The following HTR1B variants were observed in gnomAD, a reference collection of about 807,000 sequenced individuals.
HTR1B encodes the protein 5-hydroxytryptamine receptor 1B.
HTR1B carries 12 observed loss-of-function variants against 25.3 expected under a neutral mutation model. The ratio of observed to expected loss-of-function variants is 0.47; its 90% CI spans 0.30 to 0.77. The LOEUF is 0.77. Among genes scored for constraint, HTR1B ranks in the 30% least tolerant of loss-of-function variants. The pLI, the probability that HTR1B is intolerant of heterozygous loss-of-function variation, is 0.06. For missense variants in HTR1B, 453 were observed against 503.0 expected, an observed-to-expected ratio of 0.90 and a Z score of 0.95; for synonymous variants, 224 against 219.1, an observed-to-expected ratio of 1.02 and a Z score of -0.20.
In HTR1B at chr6:77,461,865, T is replaced by C; in HGVS notation, c.*366A>G. 1 of 219,702 alleles carries C rather than the reference T, an allele frequency of 4.6e-6. No homozygotes were observed. Among genetic ancestry groups the C allele is most frequent in the East Asian group, 1.1e-4 (1 of 9,074 alleles). The allele number at this position is 219,702 out of a possible 1,614,324, so 13.6% of individuals were successfully genotyped here. ...ACAGGCTTCAGACAACAATTACAAG[T>C]ACACTGCTTCTAGTGGGCATTATCC... On this transcript the variant is annotated 3_prime_UTR_variant, in exon 1 of 1. Coordinates refer to ENST00000369947, the MANE Select transcript of HTR1B (RefSeq NM_000863.3).
In HTR1B at chr6:77,461,144, C is replaced by G. The variant is rs1008836173; in HGVS notation, c.*1087G>C. The stretch of plus-strand genomic sequence containing the variant: ...AATATACATCCTCCTATTGCCCCCA[C>G]CCCATTCCTCAATTGTGTAAGAACT... On this transcript the variant is annotated 3_prime_UTR_variant, in exon 1 of 1. Coordinates refer to ENST00000369947, the MANE Select transcript of HTR1B (RefSeq NM_000863.3). Among the ~76,000 whole-genome samples, 5 of 152,150 alleles carry G rather than the reference C, an allele frequency of 3.3e-5. No individual in the cohort carries two copies. The highest frequency in any genetic ancestry group is 1.2e-4 in the African/African-American group (5 of 41,440).
rs1411632288 is a variant in HTR1B at position 77,461,152 on chromosome 6, C to T, written c.*1079G>A. On this transcript the variant is annotated 3_prime_UTR_variant, in exon 1 of 1. Coordinates refer to ENST00000369947, the MANE Select transcript of HTR1B (RefSeq NM_000863.3). ...TCCTCCTATTGCCCCCACCCCATTC[C>T]TCAATTGTGTAAGAACTATCCCCAT... Among the ~76,000 whole-genome samples the T allele has an allele frequency of 5.9e-5, 9 of 152,108 alleles. No individual in the cohort carries two copies. The East Asian group carries it at 1.7e-3, about 29-fold the overall frequency.
chr6:77,462,619 C>G lies in HTR1B; in HGVS notation c.785G>C (p.Gly262Ala). ...TRAQLITDSP[G>A]STSSVTSINS... ...AATAGAGGTGACCGAGGACGTGGAC[C>G]CGGGGGAGTCGGTTATCAGCTGGGC... The change falls in exon 1 of 1, where the codon GGG (glycine) becomes GCG (alanine). Residue 262 changes from glycine (G) to alanine (A), a missense_variant. Physicochemically the swap from Gly to Ala is moderately conservative, Grantham distance 60. Around this residue, in one of 3 missense-constraint regions of HTR1B, gnomAD observed 289 missense variants for 319.6 expected, o/e 0.90. Coordinates refer to ENST00000369947, the MANE Select transcript of HTR1B (RefSeq NM_000863.3). This position sits in a 1 kb window ranked among gnomAD's most constrained non-coding sequence, Gnocchi z 4.9. 2 of 1,612,920 alleles carry G rather than the reference C, an allele frequency of 1.2e-6. No homozygotes were observed. Among genetic ancestry groups the G allele is most frequent in the Non-Finnish European group, 1.7e-6 (2 of 1,180,006 alleles).
chr6:77,462,739 A>G lies in HTR1B; in HGVS notation c.665T>C (p.Leu222Pro). ...GCGGCCATAGAGGGCGATGAGGAGC[A>G]GGGTGGGGAAGTAGAAAGCACCCAC... ...STVGAFYFPT[L>P]LLIALYGRIY... is the part of the protein sequence containing the mutation. Residue 222 changes from leucine to proline, a missense_variant, in exon 1 of 1, where the codon CTG becomes CCG. Physicochemically the swap from Leu to Pro is moderately conservative, Grantham distance 98 (BLOSUM62 -3). Transcript: ENST00000369947. This position sits in a 1 kb window ranked among gnomAD's most constrained non-coding sequence, Gnocchi z 4.9. 1 of 1,613,994 alleles carries G rather than the reference A, an allele frequency of 6.2e-7. No homozygotes were observed. Among genetic ancestry groups the G allele is most frequent in the Non-Finnish European group, 8.5e-7 (1 of 1,180,026 alleles).
Position 77,462,749 on chromosome 6 carries a change from A to G in HTR1B, c.655T>C (p.Phe219Leu), listed in dbSNP as rs130061. The G allele has an allele frequency of 1.9e-6, 3 of 1,613,864 alleles. No homozygotes were observed. Among genetic ancestry groups the G allele is most frequent in the Admixed American group, 3.3e-5 (2 of 59,998 alleles). ...TVYSTVGAFYFPTLLLIALYG... is the reference protein window; with the variant it reads ...TVYSTVGAFYLPTLLLIALYG... ...AGGGCGATGAGGAGCAGGGTGGGGA[A>G]GTAGAAAGCACCCACCGTGGAGTAG... The change falls in exon 1 of 1, where the codon TTC becomes CTC. Residue 219 changes from phenylalanine (F) to leucine (L), a missense_variant. Physicochemically the swap from Phe to Leu is conservative, Grantham distance 22. This residue lies in a region of HTR1B where 289 missense variants were observed against 319.6 expected (regional missense o/e 0.90). Coordinates refer to ENST00000369947, the MANE Select transcript of HTR1B (RefSeq NM_000863.3). This position sits in a 1 kb window ranked among gnomAD's most constrained non-coding sequence, Gnocchi z 4.9.
rs1332730650 is a variant in HTR1B, at chr6:77,461,504, C to T, written c.*727G>A. 6.6e-6 allele frequency among the ~76,000 whole-genome samples: 1 copy of T among 152,174 alleles called. No individual in the cohort carries two copies. Among genetic ancestry groups the T allele is most frequent in the Non-Finnish European group, 1.5e-5 (1 of 68,026 alleles). The stretch of plus-strand genomic sequence containing the variant: ...TGTAAATCTGCAGAAAACAAACAAT[C>T]ATAGGTGTTGATTCTCAGTTTAACA... On this transcript the variant is annotated 3_prime_UTR_variant, in exon 1 of 1. Coordinates refer to ENST00000369947, the MANE Select transcript of HTR1B (RefSeq NM_000863.3).
chr6:77,462,921 C>G lies in HTR1B; in HGVS notation c.483G>C (p.Arg161Ser), dbSNP rs762804719. The G allele has an allele frequency of 1.2e-6, 2 of 1,613,914 alleles. No individual in the cohort carries two copies. The highest frequency in any genetic ancestry group is 1.7e-6 in the Non-Finnish European group (2 of 1,180,052). Residue 161 changes from arginine (R) to serine (S), a missense_variant, in exon 1 of 1, where the codon AGG becomes AGC. Arg to Ser is a moderately radical substitution (Grantham distance 110). This residue lies in a region of HTR1B where 289 missense variants were observed against 319.6 expected (regional missense o/e 0.90). Coordinates refer to ENST00000369947, the MANE Select transcript of HTR1B (RefSeq NM_000863.3). The surrounding 1 kb of genome is among the most constrained non-coding windows in gnomAD (Gnocchi z 4.9). ...TCATGACCGCCGCCCTCTTGGGAGTCCTTTTAGCTGAGTACTCCACGGCGT... is the reference window on the plus strand; with the variant it reads ...TCATGACCGCCGCCCTCTTGGGAGTGCTTTTAGCTGAGTACTCCACGGCGT... Reference protein sequence around the residue: ...ITDAVEYSAKRTPKRAAVMIA... With the variant: ...ITDAVEYSAKSTPKRAAVMIA...
In HTR1B at chr6:77,463,352, T is replaced by C; in HGVS notation, c.52A>G (p.Thr18Ala). 2 of 1,613,954 alleles carry C rather than the reference T, an allele frequency of 1.2e-6. No individual in the cohort carries two copies. The highest frequency in any genetic ancestry group is 2.2e-5 in the South Asian group (2 of 91,066). The change falls in exon 1 of 1, where the codon ACC (threonine) becomes GCC (alanine). Residue 18 changes from threonine (T) to alanine (A), a missense_variant. By Grantham distance (58) the Thr-to-Ala change is moderately conservative. Around this residue, in one of 3 missense-constraint regions of HTR1B, gnomAD observed 129 missense variants for 118.3 expected, o/e 1.09. Transcript: ENST00000369947. ...GATAAGTTGGCTTGAGGAACCCAGG[T>C]CTCGGAGCCCGCGGGCGGCGGTGGA... ...CAPPPPAGSE[T>A]WVPQANLSSA...
Position 77,463,184 on chromosome 6 carries a change from C to A in HTR1B, c.220G>T (p.Val74Leu). 1 of 1,614,250 alleles carries A rather than the reference C, an allele frequency of 6.2e-7. No individual in the cohort carries two copies. Among genetic ancestry groups the A allele is most frequent in the Non-Finnish European group, 8.5e-7 (1 of 1,180,048 alleles). ...GTGTGCAGTTTCCGGGTCCGGTACA[C>A]TGTGGCAATCACAAAGGCATTGGAG... ...TLSNAFVIAT[V>L]YRTRKLHTPA... Residue 74 changes from valine to leucine, a missense_variant, in exon 1 of 1, where the codon GTG becomes TTG. Physicochemically the swap from Val to Leu is conservative, Grantham distance 32. Around this residue, in one of 3 missense-constraint regions of HTR1B, gnomAD observed 129 missense variants for 118.3 expected, o/e 1.09. Coordinates refer to ENST00000369947, the MANE Select transcript of HTR1B (RefSeq NM_000863.3).
rs917891055 is a variant in HTR1B at position 77,462,863 on chromosome 6, A to C, written c.541T>G (p.Ser181Ala). ...ALVWVFSISI[S>A]LPPFFWRQAK... The stretch of plus-strand genomic sequence containing the variant: ...TGACGCCAGAAGAAGGGCGGCAGCG[A>C]GATAGAGATGGAGAAGACCCACACC... The change falls in exon 1 of 1, where the codon TCG becomes GCG. Residue 181 changes from serine (S) to alanine (A), a missense_variant. Physicochemically the swap from Ser to Ala is moderately conservative, Grantham distance 99 (BLOSUM62 1). Around this residue, in one of 3 missense-constraint regions of HTR1B, gnomAD observed 289 missense variants for 319.6 expected, o/e 0.90. Coordinates refer to ENST00000369947, the MANE Select transcript of HTR1B (RefSeq NM_000863.3). This position sits in a 1 kb window ranked among gnomAD's most constrained non-coding sequence, Gnocchi z 4.9. The C allele has an allele frequency of 6.2e-7, 1 of 1,613,918 alleles. No homozygotes were observed. The highest frequency in any genetic ancestry group is 8.5e-7 in the Non-Finnish European group (1 of 1,180,016).
Position 77,462,716 on chromosome 6 carries a change from G to T in HTR1B, c.688C>A (p.Arg230Ser), listed in dbSNP as rs758287426. Residue 230 changes from arginine (R) to serine (S), a missense_variant, in exon 1 of 1, where the codon CGC (arginine) becomes AGC (serine). Arg to Ser is a moderately radical substitution (Grantham distance 110). Coordinates refer to ENST00000369947, the MANE Select transcript of HTR1B (RefSeq NM_000863.3). The surrounding 1 kb of genome is among the most constrained non-coding windows in gnomAD (Gnocchi z 4.9). Reference sequence around the variant, plus strand: ...CGGGAGCGGGCTTCTACGTAGATGCGGCCATAGAGGGCGATGAGGAGCAGG... The same window carrying T: ...CGGGAGCGGGCTTCTACGTAGATGCTGCCATAGAGGGCGATGAGGAGCAGG... The part of the protein sequence containing the change: ...PTLLLIALYG[R>S]IYVEARSRIL... The T allele has an allele frequency of 2.5e-6, 4 of 1,613,872 alleles. No individual in the cohort carries two copies. The highest frequency in any genetic ancestry group is 2.2e-5 in the East Asian group (1 of 44,844).
In HTR1B at chr6:77,462,457, A is replaced by G. The variant is rs1055666809; in HGVS notation, c.947T>C (p.Leu316Pro). ...AARERKATKT[L>P]GIILGAFIVC... ...AATAAAGGCTCCCAAAATGATCCCT[A>G]GGGTCTTGGTGGCTTTGCGCTCCCT... The change falls in exon 1 of 1, where the codon CTA becomes CCA. Residue 316 changes from leucine to proline, a missense_variant. Physicochemically the swap from Leu to Pro is moderately conservative, Grantham distance 98 (BLOSUM62 -3). Coordinates refer to ENST00000369947, the MANE Select transcript of HTR1B (RefSeq NM_000863.3). This position sits in a 1 kb window ranked among gnomAD's most constrained non-coding sequence, Gnocchi z 4.9. 1 of 1,613,964 alleles carries G rather than the reference A, an allele frequency of 6.2e-7. No individual in the cohort carries two copies. Among genetic ancestry groups the G allele is most frequent in the African/African-American group, 1.3e-5 (1 of 75,016 alleles).
chr6:77,462,439 G>T lies in HTR1B; in HGVS notation c.965C>A (p.Ala322Asp), dbSNP rs759193371. The change falls in exon 1 of 1, where the codon GCC becomes GAC. Residue 322 changes from alanine (A) to aspartate (D), a missense_variant. Ala to Asp is a moderately radical substitution (Grantham distance 126). Transcript: ENST00000369947. This position sits in a 1 kb window ranked among gnomAD's most constrained non-coding sequence, Gnocchi z 4.9. ...ATKTLGIILG[A>D]FIVCWLPFFI... is the part of the protein sequence containing the mutation. ...GAAGGGTAGCCAACACACAATAAAG[G>T]CTCCCAAAATGATCCCTAGGGTCTT... 1.9e-6 allele frequency: 3 copies of T among 1,614,000 alleles called. No individual in the cohort carries two copies. The highest frequency in any genetic ancestry group is 1.1e-5 in the South Asian group (1 of 91,084).
At position 77,462,033 on chromosome 6, in the gene HTR1B, C is replaced by T. The variant is rs1470360955; in HGVS notation, c.*198G>A. ...GAGCCTCCTCCTGGGCAGGGAAGCTCTACATTTAGTTTCAACACTTCTCCT... is the reference window on the plus strand; with the variant it reads ...GAGCCTCCTCCTGGGCAGGGAAGCTTTACATTTAGTTTCAACACTTCTCCT... On this transcript the variant is annotated 3_prime_UTR_variant, in exon 1 of 1. Transcript: ENST00000369947. The surrounding 1 kb of genome is among the most constrained non-coding windows in gnomAD (Gnocchi z 4.9). 8.8e-6 allele frequency: 5 copies of T among 568,828 alleles called. No homozygotes were observed. The highest frequency in any genetic ancestry group is 1.6e-5 in the Non-Finnish European group (5 of 321,336). 35.2% of individuals were successfully genotyped at this position (568,828 alleles called of 1,614,324 possible). A position where few individuals can be genotyped will look rare whatever the true frequency, so the allele number is the denominator to read the frequency against.
In HTR1B at chr6:77,462,070, C is replaced by T. The variant is rs759713904; in HGVS notation, c.*161G>A. 14 of 609,376 alleles carry T rather than the reference C, an allele frequency of 2.3e-5. No individual in the cohort carries two copies. The East Asian group carries it at 3.6e-4, about 16-fold the overall frequency. The allele number at this position is 609,376 out of a possible 1,614,324, so 37.7% of individuals were successfully genotyped here. On this transcript the variant is annotated 3_prime_UTR_variant, in exon 1 of 1. Transcript: ENST00000369947. The surrounding 1 kb of genome is among the most constrained non-coding windows in gnomAD (Gnocchi z 4.9). ...TCAACACTTCTCCTTTCAGAGCTCT[C>T]TCTCAGGACTATTCTGGCTTCTCAG...
Position 77,463,479 on chromosome 6 carries a change from C to A in HTR1B, c.-76G>T. ...GAAGGAGAGGGCGGAAGGACCGTGG[C>A]GATCGCAGGTTTGTCCCCAGTTGAT... On this transcript the variant is annotated 5_prime_UTR_variant, in exon 1 of 1. Coordinates refer to ENST00000369947, the MANE Select transcript of HTR1B (RefSeq NM_000863.3). 7.8e-7 allele frequency: 1 copy of A among 1,280,360 alleles called. No homozygotes were observed. Among genetic ancestry groups the A allele is most frequent in the Admixed American group, 2.1e-5 (1 of 47,570 alleles). The allele number at this position is 1,280,360 out of a possible 1,614,324, so 79.3% of individuals were successfully genotyped here.
Position 77,462,008 on chromosome 6 carries a change from G to C in HTR1B, c.*223C>G. The C allele has an allele frequency of 1.9e-6, 1 of 526,344 alleles. No individual in the cohort carries two copies. Among genetic ancestry groups the C allele is most frequent in the South Asian group, 2.5e-5 (1 of 40,376 alleles). The allele number at this position is 526,344 out of a possible 1,614,324, so 32.6% of individuals were successfully genotyped here. ...AGCCCGGGGCTTGAGGGGAGGAAGT[G>C]AGCCTCCTCCTGGGCAGGGAAGCTC... On this transcript the variant is annotated 3_prime_UTR_variant, in exon 1 of 1. Coordinates refer to ENST00000369947, the MANE Select transcript of HTR1B (RefSeq NM_000863.3). This position sits in a 1 kb window ranked among gnomAD's most constrained non-coding sequence, Gnocchi z 4.9.
rs1440772703 is a variant in HTR1B, at chr6:77,463,394, G to A, written c.10C>T (p.Pro4Ser). 2 of 1,611,780 alleles carry A rather than the reference G, an allele frequency of 1.2e-6. No homozygotes were observed. The highest frequency in any genetic ancestry group is 2.2e-5 in the South Asian group (2 of 90,864). The change falls in exon 1 of 1, where the codon CCG becomes TCG. Residue 4 changes from proline to serine, a missense_variant. Coordinates refer to ENST00000369947, the MANE Select transcript of HTR1B (RefSeq NM_000863.3). Reference protein sequence around the residue: MEEPGAQCAPPPPA... With the variant: MEESGAQCAPPPPA... Reference sequence around the variant, plus strand: ...GGCGGTGGAGCGCACTGAGCACCCGGTTCCTCCATGGCTCTCCTCGCCCCA... The same window carrying A: ...GGCGGTGGAGCGCACTGAGCACCCGATTCCTCCATGGCTCTCCTCGCCCCA...
chr6:77,463,392 C>G lies in HTR1B; in HGVS notation c.12G>C (p.Pro4=). The G allele has an allele frequency of 6.2e-7, 1 of 1,611,946 alleles. No homozygotes were observed. Among genetic ancestry groups the G allele is most frequent in the East Asian group, 2.2e-5 (1 of 44,866 alleles). The part of the protein sequence containing the change: MEE[P]GAQCAPPPPA... ...GCGGCGGTGGAGCGCACTGAGCACCCGGTTCCTCCATGGCTCTCCTCGCCC... is the reference window on the plus strand; with the variant it reads ...GCGGCGGTGGAGCGCACTGAGCACCGGGTTCCTCCATGGCTCTCCTCGCCC... The change falls in exon 1 of 1, where the codon CCG becomes CCC. Residue 4 remains proline, a synonymous_variant. Transcript: ENST00000369947.
Sources: allele counts gnomAD v4.1 joint callset (sites outside exome capture counted in the v4.1 genomes callset), GRCh38; gene constraint gnomAD v4.1.1; regional missense constraint gnomAD v4.1.1; non-coding constraint Gnocchi (gnomAD v3.1); transcripts MANE v1.5; gene names NCBI Gene and HGNC (gene_info 2026-07-23, HGNC 2026-07-21).